The following ZNF75D variants were observed in gnomAD, a reference collection of about 807,000 sequenced individuals.
ZNF75D encodes zinc finger protein 75.
A neutral mutation model predicts 33.3 loss-of-function variants in ZNF75D; 33 were observed. The ratio of observed to expected loss-of-function variants is 0.99; its 90% CI spans 0.75 to 1.32. ZNF75D has a LOEUF of 1.32. Among genes scored for constraint, ZNF75D ranks in the 40% most tolerant of loss-of-function variants. ZNF75D has a pLI of 0.00. For synonymous variants in ZNF75D, 113 were observed against 130.6 expected, an observed-to-expected ratio of 0.87 and a Z score of 0.92; for missense variants, 338 against 367.5, an observed-to-expected ratio of 0.92 and a Z score of 0.66.
At chrX:135,257,456 G>A (rs2083809386) in intron 1 of ZNF75D, among the ~76,000 whole-genome samples, 1 of 113,258 alleles carries the variant, frequency 8.8e-6, no homozygotes, top group African/African-American at 3.2e-5. Context: ...AGGGAAGAGT[G>A]GGAAAACTGT....
chrX:135,261,338 G>A (rs782233728), intron 1 of ZNF75D, among the ~76,000 whole-genome samples: 1 of 112,086 alleles, frequency 8.9e-6, no homozygotes, highest in African/African-American at 3.2e-5. Flanking sequence ...CTGAGTTCAG[G>A]TCCTGGATAT....
intron 1 of ZNF75D, among the ~76,000 whole-genome samples, chrX:135,320,550 T>C (rs2084483042): frequency 8.9e-6 from 1 of 111,815 alleles, no homozygotes; most frequent in African/African-American, 3.3e-5. Context: ...TTATTGTATA[T>C]ACATGATACT....
At chrX:135,270,101 ACAGTGAGGGAG>A (rs1208332976) in intron 1 of ZNF75D, among the ~76,000 whole-genome samples, 2 of 109,399 alleles carry the variant, frequency 1.8e-5, no homozygotes, top group Non-Finnish European at 3.8e-5. Context: ...GCTAGGAAAT[ACAGTGAGGGAG>A]CAGTGAGGGA....
At chrX:135,329,035 A>C (rs1281248312) in intron 1 of ZNF75D, among the ~76,000 whole-genome samples, 1 of 111,840 alleles carries the variant, frequency 8.9e-6, no homozygotes, top group African/African-American at 3.3e-5. Flanking sequence ...GTGGAAATAC[A>C]CTCAAAAATG....
chrX:135,306,288 TACACAC>T (rs57049630), intron 1 of ZNF75D, among the ~76,000 whole-genome samples: 18,084 of 82,935 alleles, frequency 0.22, 1,786 homozygotes, highest in South Asian at 0.38. Context: ...CAGAGATACA[TACACAC>T]ACACACACAC....
intron 1 of ZNF75D, among the ~76,000 whole-genome samples, chrX:135,300,830 G>C (rs1165824508): frequency 9.0e-6 from 1 of 111,421 alleles, no homozygotes; most frequent in Non-Finnish European, 1.9e-5. Context: ...ACCTGCAGGA[G>C]AGAAGTGCAG....
At chrX:135,307,427 A>G (rs2084301985) in intron 1 of ZNF75D, among the ~76,000 whole-genome samples, 1 of 111,209 alleles carries the variant, frequency 9.0e-6, no homozygotes, top group South Asian at 3.8e-4. Context: ...TGAGAACCCC[A>G]CTATAAAAAT....
At chrX:135,338,688 A>G (rs2084746374) in intron 1 of ZNF75D, among the ~76,000 whole-genome samples, 1 of 112,186 alleles carries the variant, frequency 8.9e-6, no homozygotes, top group African/African-American at 3.2e-5. Context: ...CTACTGATAG[A>G]AGAAACTACC....
chrX:135,276,918 T>C (rs914080384), intron 1 of ZNF75D, among the ~76,000 whole-genome samples: 3 of 112,054 alleles, frequency 2.7e-5, no homozygotes, highest in Non-Finnish European at 5.6e-5. Flanking sequence ...TGGTTCCAAG[T>C]CTTTGCTATT....
At chrX:135,332,869 A>C (rs4405072) in intron 1 of ZNF75D, among the ~76,000 whole-genome samples, 1 of 110,806 alleles carries the variant, frequency 9.0e-6, no homozygotes, top group African/African-American at 3.3e-5. Context: ...CCCATGTGAG[A>C]GTATGTACAC....
At chrX:135,338,104 G>A (rs12010212) in intron 1 of ZNF75D, among the ~76,000 whole-genome samples, 2,479 of 111,367 alleles carry the variant, frequency 0.022, 71 homozygotes, top group African/African-American at 0.076. Context: ...ACAATGAGCA[G>A]AGGAGGAAGC....
chrX:135,271,635 A>T (rs2083883417), intron 1 of ZNF75D, among the ~76,000 whole-genome samples: 1 of 112,079 alleles, frequency 8.9e-6, no homozygotes, highest in Non-Finnish European at 1.9e-5. Flanking sequence ...GAGTCACAGC[A>T]TGTTCTGGTC....
chrX:135,300,115 T>A (rs192104819), intron 1 of ZNF75D, among the ~76,000 whole-genome samples: 2 of 112,341 alleles, frequency 1.8e-5, no homozygotes, highest in East Asian at 5.6e-4. Context: ...AATTTCCATA[T>A]GAATTTTAGG....
chrX:135,294,911 G>T (rs782132685), intron 2 of ZNF75D, among the ~76,000 whole-genome samples: 1 of 111,761 alleles, frequency 8.9e-6, no homozygotes, highest in Non-Finnish European at 1.9e-5. Context: ...GTACTTCTTC[G>T]AAAGACTTAT....
chrX:135,317,737 T>C (rs897400086), intron 1 of ZNF75D, among the ~76,000 whole-genome samples: 13 of 110,838 alleles, frequency 1.2e-4, no homozygotes, highest in African/African-American at 4.3e-4. Context: ...CTGGGCTTGG[T>C]AATCCCCTGG....
At chrX:135,335,841 C>G (rs782005763) in intron 1 of ZNF75D, among the ~76,000 whole-genome samples, 2 of 111,955 alleles carry the variant, frequency 1.8e-5, no homozygotes, top group Non-Finnish European at 3.8e-5. Context: ...TTTGAAATCT[C>G]ACACCTGGCC....
intron 1 of ZNF75D, among the ~76,000 whole-genome samples, chrX:135,331,081 G>T (rs1556440317): frequency 1.8e-5 from 2 of 111,639 alleles, no homozygotes; most frequent in African/African-American, 6.5e-5. Flanking sequence ...CCATGAGTTG[G>T]GTGGGAGGTT....
At chrX:135,267,987 T>C (rs1401652068) in intron 1 of ZNF75D, among the ~76,000 whole-genome samples, 2 of 109,430 alleles carry the variant, frequency 1.8e-5, no homozygotes, top group African/African-American at 6.7e-5. Context: ...ACGTGATACA[T>C]CACATCAACA....
intron 1 of ZNF75D, among the ~76,000 whole-genome samples, chrX:135,337,890 G>A (rs1054961912): frequency 9.0e-6 from 1 of 111,136 alleles, no homozygotes; most frequent in Non-Finnish European, 1.9e-5. Context: ...AGGAGAGGGA[G>A]CAAGGACAGG....
Sources: allele counts gnomAD v4.1 joint callset (sites outside exome capture counted in the v4.1 genomes callset), GRCh38; gene constraint gnomAD v4.1.1; transcripts MANE v1.5; gene names NCBI Gene and HGNC (gene_info 2026-07-23, HGNC 2026-07-21).